PCDH11X: variants seen among roughly 807,000 people sequenced by gnomAD.
PCDH11X encodes the protein protocadherin-11 X-linked.
PCDH11X carries 18 observed loss-of-function variants against 53.3 expected under a neutral mutation model. The observed-to-expected ratio is 0.34, with a 90% CI of 0.23 to 0.50. The LOEUF (loss-of-function observed/expected upper bound fraction) is 0.50, where lower values mean the gene tolerates loss of function less well. Ranked by LOEUF, PCDH11X falls within the 20% of genes least tolerant of loss-of-function variation. The probability of loss-of-function intolerance (pLI) is 0.98; values close to 1 mark genes in which losing one functional copy is unlikely to be tolerated. For missense variants in PCDH11X, 570 were observed against 1,032.4 expected, an observed-to-expected ratio of 0.55 and a Z score of 6.14; for synonymous variants, 279 against 393.3, an observed-to-expected ratio of 0.71 and a Z score of 3.44.
At chrX:91,827,673 C>A (rs192258052) in intron 4 of PCDH11X, among the ~76,000 whole-genome samples, 16 of 110,587 alleles carry the variant, frequency 1.4e-4, no homozygotes, top group African/African-American at 4.9e-4. Flanking sequence ...CACATGGCTA[C>A]CCAGATGTCC....
chrX:91,824,507 C>A (rs987082323), intron 4 of PCDH11X, among the ~76,000 whole-genome samples: 1 of 110,840 alleles, frequency 9.0e-6, no homozygotes, highest in African/African-American at 3.3e-5. Context: ...ATTTCTTGAG[C>A]CTTGGTTTTC....
At chrX:92,591,201 C>T (rs1162898350) in intron 10 of PCDH11X, among the ~76,000 whole-genome samples, 1 of 110,332 alleles carries the variant, frequency 9.1e-6, no homozygotes, top group Non-Finnish European at 1.9e-5. Flanking sequence ...AGGTGATTTT[C>T]CTTTGTGACT....
At chrX:92,346,603 G>A (rs2069902663) in intron 8 of PCDH11X, among the ~76,000 whole-genome samples, 1 of 111,699 alleles carries the variant, frequency 9.0e-6, no homozygotes, top group South Asian at 3.7e-4. Context: ...GAAAACATAC[G>A]TAGTAGACTA....
intron 6 of PCDH11X, among the ~76,000 whole-genome samples, chrX:92,125,350 C>A (rs1569370982): frequency 8.9e-6 from 1 of 112,196 alleles, no homozygotes; most frequent in Non-Finnish European, 1.9e-5. Context: ...CAGGCATACT[C>A]TTCCATATCC....
At chrX:92,460,049 A>T in intron 9 of PCDH11X, 1 of 950,290 alleles carries the variant, frequency 1.1e-6, no homozygotes, top group Non-Finnish European at 1.5e-6. Context: ...TGGAGCCATT[A>T]CTGCAAGACC....
intron 10 of PCDH11X, among the ~76,000 whole-genome samples, chrX:92,596,866 C>G (rs751965916): frequency 9.2e-6 from 1 of 109,012 alleles, no homozygotes; most frequent in East Asian, 2.9e-4. Context: ...TTTATCATGA[C>G]CAAGAAGTCT....
intron 6 of PCDH11X, among the ~76,000 whole-genome samples, chrX:92,034,425 G>A (rs2759882): frequency 2.3e-4 from 25 of 108,822 alleles, no homozygotes; most frequent in African/African-American, 8.0e-4. Context: ...GTGCTCCAGC[G>A]TTGGGTGAAT....
chrX:92,360,306 C>G (rs1011673682), intron 8 of PCDH11X, among the ~76,000 whole-genome samples: 3 of 111,008 alleles, frequency 2.7e-5, no homozygotes, highest in African/African-American at 9.8e-5. Flanking sequence ...TCTGATGTTA[C>G]TGTTCCCTTA....
intron 6 of PCDH11X, among the ~76,000 whole-genome samples, chrX:91,968,533 GATTT>G (rs1246227413): frequency 3.6e-5 from 4 of 111,013 alleles, no homozygotes; most frequent in Non-Finnish European, 7.5e-5. Flanking sequence ...CAGCAAAAGT[GATTT>G]ATTTATTTTT....
chrX:91,923,701 T>C (rs896817966), intron 6 of PCDH11X, among the ~76,000 whole-genome samples: 4 of 108,339 alleles, frequency 3.7e-5, no homozygotes, highest in Non-Finnish European at 5.7e-5. Context: ...TAAACTTCCC[T>C]TCATATATAC....
intron 6 of PCDH11X, among the ~76,000 whole-genome samples, chrX:92,100,760 G>A (rs904766696): frequency 9.1e-6 from 1 of 109,796 alleles, no homozygotes; most frequent in Admixed American, 9.7e-5. Flanking sequence ...AAATTTTTGG[G>A]GGGGTGGTAT....
At chrX:92,205,341 C>T (rs186839660) in intron 7 of PCDH11X, among the ~76,000 whole-genome samples, 1 of 111,697 alleles carries the variant, frequency 9.0e-6, no homozygotes, top group African/African-American at 3.2e-5. Flanking sequence ...ATAATAATCC[C>T]ACCTACACCT....
intron 7 of PCDH11X, among the ~76,000 whole-genome samples, chrX:92,238,522 G>T (rs1029608256): frequency 6.3e-5 from 7 of 110,671 alleles, no homozygotes; most frequent in African/African-American, 1.6e-4. Flanking sequence ...ACTTTGGGGG[G>T]TTGTTACAAA....
At chrX:92,089,830 GT>G (rs1369153165) in intron 6 of PCDH11X, among the ~76,000 whole-genome samples, 1 of 109,688 alleles carries the variant, frequency 9.1e-6, no homozygotes, top group Non-Finnish European at 1.9e-5. Flanking sequence ...GCAGTAAGTT[GT>G]TTTTTAAACC....
At chrX:92,208,339 A>ATTG (rs1204874251) in intron 7 of PCDH11X, among the ~76,000 whole-genome samples, 2 of 102,541 alleles carry the variant, frequency 2.0e-5, no homozygotes, top group Admixed American at 2.2e-4. Context: ...TATTATTATT[A>ATTG]TTTTCTGTAT....
At chrX:91,830,019 G>T (rs369550386) in intron 4 of PCDH11X, among the ~76,000 whole-genome samples, 1 of 110,648 alleles carries the variant, frequency 9.0e-6, no homozygotes, top group Non-Finnish European at 1.9e-5. Flanking sequence ...ATAGACAAAC[G>T]TTATATTTTT....
At chrX:92,115,273 G>A (rs1402775400) in intron 6 of PCDH11X, among the ~76,000 whole-genome samples, 1 of 110,188 alleles carries the variant, frequency 9.1e-6, no homozygotes, top group Admixed American at 9.8e-5. Context: ...ACTGTATTTG[G>A]GCATTCAATA....
In PCDH11X at chrX:92,270,152, T is replaced by C. The variant is rs1270704271; in HGVS notation, c.3144+7009T>C. 2.8e-5 allele frequency among the ~76,000 whole-genome samples: 3 copies of C among 105,477 alleles called. No individual in the cohort carries two copies. The Admixed American group carries it at 3.1e-4, about 11-fold the overall frequency. 91.6% of individuals were successfully genotyped at this position (105,477 alleles called of 115,157 possible). ...TCTTTTTGAGACTCGCTCTGTCCCC[T>C]GGCTGGAGTTCAATGGTGCCATCTC... On this transcript the variant is annotated intron_variant, in intron 8 of 10. Transcript: ENST00000682573.
intron 9 of PCDH11X, among the ~76,000 whole-genome samples, chrX:92,416,417 C>T (rs1293949443): frequency 2.7e-5 from 3 of 110,698 alleles, no homozygotes; most frequent in Non-Finnish European, 5.7e-5. Context: ...TGTATAAAAA[C>T]ATCTCATGTA....
Sources: allele counts gnomAD v4.1 joint callset (sites outside exome capture counted in the v4.1 genomes callset), GRCh38; gene constraint gnomAD v4.1.1; transcripts MANE v1.5; gene names NCBI Gene and HGNC (gene_info 2026-07-23, HGNC 2026-07-21).